MLLT10: variants seen among roughly 807,000 people sequenced by gnomAD.
The protein encoded by MLLT10 is protein AF-10.
Under a neutral mutation model 129.1 loss-of-function variants are expected in MLLT10, and 30 were observed. That is an observed-to-expected ratio of 0.23 (90% CI 0.17 to 0.32). The LOEUF (loss-of-function observed/expected upper bound fraction) is 0.32, where lower values mean the gene tolerates loss of function less well. Ranked by LOEUF, MLLT10 falls within the 10% of genes least tolerant of loss-of-function variation. The pLI, the probability that MLLT10 is intolerant of heterozygous loss-of-function variation, is 1.00. For missense variants in MLLT10, 1,119 were observed against 1,268.3 expected (o/e 0.88, Z 1.79); for synonymous variants, 490 against 446.4 (o/e 1.10, Z -1.23).
At chr10:21,577,207 T>C (rs1482347440) in intron 3 of MLLT10, among the ~76,000 whole-genome samples, 1 of 152,246 alleles carries the variant, frequency 6.6e-6, no homozygotes, top group Non-Finnish European at 1.5e-5. Flanking sequence ...TCATTCCCTT[T>C]TGTTGTCAAA....
At chr10:21,664,882 C>A (rs2050591834) in intron 9 of MLLT10, among the ~76,000 whole-genome samples, 1 of 148,430 alleles carries the variant, frequency 6.7e-6, no homozygotes. Flanking sequence ...CTTGATGTTT[C>A]TTTTCACATG....
intron 13 of MLLT10, among the ~76,000 whole-genome samples, chr10:21,686,978 G>A (rs2053363945): frequency 6.6e-6 from 1 of 151,910 alleles, no homozygotes; most frequent in South Asian, 2.1e-4. Flanking sequence ...ACAAGACTCT[G>A]CTTCATAAAT....
chr10:21,587,741 A>G (rs1225267400), intron 4 of MLLT10, among the ~76,000 whole-genome samples: 1 of 152,150 alleles, frequency 6.6e-6, no homozygotes, highest in Non-Finnish European at 1.5e-5. Flanking sequence ...GAAAAATAGA[A>G]TGATTTTGGC....
intron 3 of MLLT10, among the ~76,000 whole-genome samples, chr10:21,578,138 A>C (rs1471932581): frequency 6.6e-6 from 1 of 151,516 alleles, no homozygotes; most frequent in African/African-American, 2.4e-5. Flanking sequence ...CAGGTGATCC[A>C]CCCGCCTAGA....
chr10:21,545,923 T>C (rs2035998832), intron 3 of MLLT10, among the ~76,000 whole-genome samples: 1 of 152,130 alleles, frequency 6.6e-6, no homozygotes, highest in African/African-American at 2.4e-5. Context: ...CGTGTTGTCC[T>C]CCTAAAGTGT....
intron 21 of MLLT10, among the ~76,000 whole-genome samples, chr10:21,736,889 C>T (rs2058414322): frequency 6.6e-6 from 1 of 152,048 alleles, no homozygotes; most frequent in South Asian, 2.1e-4. Flanking sequence ...ACTCCTAGAG[C>T]ATGAAGACTG....
At chr10:21,668,207 T>TA in intron 9 of MLLT10, among the ~76,000 whole-genome samples, 1 of 152,146 alleles carries the variant, frequency 6.6e-6, no homozygotes, top group Non-Finnish European at 1.5e-5. Flanking sequence ...CATACTATGA[T>TA]AGACATTTAG....
chr10:21,736,502 T>C (rs552798148), intron 21 of MLLT10, among the ~76,000 whole-genome samples: 106 of 152,310 alleles, frequency 7.0e-4, no homozygotes, highest in Non-Finnish European at 1.2e-3. Context: ...CAGGCTGGTC[T>C]TGAACTCCTG....
chr10:21,541,247 T>C (rs1384872488), intron 3 of MLLT10: 2 of 152,160 alleles, frequency 1.3e-5, no homozygotes, highest in African/African-American at 4.8e-5. Flanking sequence ...TGAGACAGTC[T>C]TGCTCTGTTC....
At chr10:21,725,785 C>CT (rs1409258989) in intron 14 of MLLT10, among the ~76,000 whole-genome samples, 1 of 143,776 alleles carries the variant, frequency 7.0e-6, no homozygotes, top group African/African-American at 2.6e-5. Flanking sequence ...GAGTCTCGCT[C>CT]TGTCGCCCAG....
chr10:21,547,101 C>A (rs1221292123), intron 3 of MLLT10, among the ~76,000 whole-genome samples: 1 of 151,858 alleles, frequency 6.6e-6, no homozygotes, highest in Non-Finnish European at 1.5e-5. Context: ...AACTCCTGAC[C>A]TCAGGTAATC....
chr10:21,714,356 C>A (rs1404758160), intron 14 of MLLT10, among the ~76,000 whole-genome samples: 2 of 151,472 alleles, frequency 1.3e-5, no homozygotes, highest in South Asian at 2.1e-4. Context: ...TTAAAAAAAA[C>A]CGTGTAGGAG....
chr10:21,641,617 T>C (rs2048011185), intron 8 of MLLT10, among the ~76,000 whole-genome samples: 1 of 152,160 alleles, frequency 6.6e-6, no homozygotes, highest in Admixed American at 6.5e-5. Context: ...ATCATACCAC[T>C]GCACTCCAGC....
intron 14 of MLLT10, 22 bp from the exon 15 acceptor site, chr10:21,726,222 C>CA (rs1485958701): frequency 7.2e-7 from 1 of 1,393,804 alleles, no homozygotes; most frequent in African/African-American, 1.4e-5. Context: ...ATTCATTTAT[C>CA]ATTGTAATTT....
chr10:21,542,366 C>T (rs527477287), intron 3 of MLLT10, among the ~76,000 whole-genome samples: 4 of 152,158 alleles, frequency 2.6e-5, no homozygotes, highest in East Asian at 3.9e-4. Flanking sequence ...GTCAGGAGTT[C>T]GAGACCAGCC....
chr10:21,718,357 T>G (rs375138498), intron 14 of MLLT10, among the ~76,000 whole-genome samples: 26 of 152,226 alleles, frequency 1.7e-4, no homozygotes, highest in East Asian at 1.4e-3. Flanking sequence ...AGGTATAAAT[T>G]AGTTTCTGTA....
chr10:21,724,963 C>G (rs1663241174), intron 14 of MLLT10, among the ~76,000 whole-genome samples: 1 of 152,226 alleles, frequency 6.6e-6, no homozygotes, highest in Non-Finnish European at 1.5e-5. Flanking sequence ...GCCAAAAAGA[C>G]AGTGCCTTAT....
chr10:21,659,981 C>G (rs2049998514), intron 9 of MLLT10, among the ~76,000 whole-genome samples: 1 of 151,856 alleles, frequency 6.6e-6, no homozygotes. Flanking sequence ...TGCCACCTTG[C>G]TTAAACTTTT....
At chr10:21,570,954 A>G (rs1226640706) in intron 3 of MLLT10, among the ~76,000 whole-genome samples, 1 of 152,054 alleles carries the variant, frequency 6.6e-6, no homozygotes, top group Non-Finnish European at 1.5e-5. Flanking sequence ...CCTTTTACAA[A>G]TATTTGTGGA....
Sources: allele counts gnomAD v4.1 joint callset (sites outside exome capture counted in the v4.1 genomes callset), GRCh38; gene constraint gnomAD v4.1.1; transcripts MANE v1.5; gene names NCBI Gene and HGNC (gene_info 2026-07-23, HGNC 2026-07-21).